RNF17: variants seen among roughly 807,000 people sequenced by gnomAD.
The protein encoded by RNF17 is spermatogenesis associated 23.
A neutral mutation model predicts 200.5 loss-of-function variants in RNF17; 31 were observed. The observed-to-expected ratio is 0.15, with a 90% CI of 0.12 to 0.21. The LOEUF (loss-of-function observed/expected upper bound fraction) is 0.21. Among genes scored for constraint, RNF17 ranks in the 10% least tolerant of loss-of-function variants. The pLI is 1.00. For missense variants in RNF17, 1,628 were observed against 1,905.1 expected (o/e 0.85, Z 2.71); for synonymous variants, 606 against 637.8 (o/e 0.95, Z 0.75).
At chr13:24,789,247 A>T in intron 7 of RNF17, 101 bp from the exon 8 acceptor site, 1 of 779,034 alleles carries the variant, frequency 1.3e-6, no homozygotes, top group Non-Finnish European at 2.2e-6. Flanking sequence ...TGCAATAATT[A>T]ATGAAATACC....
rs560389416 is a variant in RNF17, at chr13:24,778,629, G to C, written c.429+223G>C. On this transcript the variant is annotated intron_variant, in intron 4 of 35. Coordinates refer to ENST00000255324, the MANE Select transcript of RNF17 (RefSeq NM_031277.3). ...TGACTGACTCTGTTTCAAAGTTCTTGATATTTACCTGTGTGTAGCTTCTTC... is the reference window on the plus strand; with the variant it reads ...TGACTGACTCTGTTTCAAAGTTCTTCATATTTACCTGTGTGTAGCTTCTTC... 5.3e-5 allele frequency among the ~76,000 whole-genome samples: 8 copies of C among 152,264 alleles called. No homozygotes were observed. In the South Asian group the frequency reaches 1.7e-3, roughly 32 times the overall value.
intron 15 of RNF17, among the ~76,000 whole-genome samples, chr13:24,812,684 CTTT>C (rs756197370): frequency 0.014 from 1,232 of 86,756 alleles, 80 homozygotes; most frequent in South Asian, 0.035. Context: ...GCCCCACCCC[CTTT>C]TTTTTTTTTT....
chr13:24,791,877 T>C (rs1883900890), intron 9 of RNF17, among the ~76,000 whole-genome samples: 2 of 152,348 alleles, frequency 1.3e-5, no homozygotes, highest in South Asian at 4.1e-4. Flanking sequence ...TGTCAGAAGT[T>C]ACTTTTTTGG....
chr13:24,882,869 T>A (rs1347899574), downstream of RNF17: 2 of 210,284 alleles, frequency 9.5e-6, no homozygotes, highest in Non-Finnish European at 2.1e-5. Flanking sequence ...TTCCTGTACT[T>A]CTTGGTTTTT....
At chr13:24,883,401 A>T, downstream of RNF17, 3 of 1,425,352 alleles carry the variant, frequency 2.1e-6, no homozygotes, top group Non-Finnish European at 1.9e-6. Flanking sequence ...TGATTTCTTA[A>T]AAAAAAAATA....
At chr13:24,847,773 A>G (rs930278367) in intron 22 of RNF17, among the ~76,000 whole-genome samples, 1 of 152,054 alleles carries the variant, frequency 6.6e-6, no homozygotes, top group Non-Finnish European at 1.5e-5. Context: ...ACCTCTTCCT[A>G]TTGTCTGTGA....
At chr13:24,827,821 T>C (rs955713464) in intron 16 of RNF17, among the ~76,000 whole-genome samples, 8 of 151,370 alleles carry the variant, frequency 5.3e-5, no homozygotes, top group Non-Finnish European at 1.2e-4. Flanking sequence ...GTTTCCAAGA[T>C]GGTGCCTTGT....
Position 24,825,649 on chromosome 13 carries a change from A to C in RNF17, c.2122A>C (p.Lys708Gln). ...GGGCCTGGATATTTTATTTCTATTAAAGACAATCGAGGAATTCTATAAAAG... is the reference window on the plus strand; with the variant it reads ...GGGCCTGGATATTTTATTTCTATTACAGACAATCGAGGAATTCTATAAAAG... ...IEGLDILFLL[K>Q]TIEEFYKSED... The change falls in exon 16 of 36, where the codon AAG (lysine) becomes CAG (glutamine). Residue 708 changes from lysine to glutamine, a missense_variant. Physicochemically the swap from Lys to Gln is moderately conservative, Grantham distance 53 (BLOSUM62 1). Transcript: ENST00000255324. The C allele has an allele frequency of 6.2e-7, 1 of 1,602,534 alleles. No individual in the cohort carries two copies. The highest frequency in any genetic ancestry group is 8.5e-7 in the Non-Finnish European group (1 of 1,169,770).
At chr13:24,843,616 G>A (rs2138143320) in intron 19 of RNF17, 128 bp from the exon 20 acceptor site, 1 of 661,594 alleles carries the variant, frequency 1.5e-6, no homozygotes, top group East Asian at 2.8e-5. Flanking sequence ...ACCTGTTTTA[G>A]GTCCACAGTT....
chr13:24,838,305 A>G (rs1272274097), intron 18 of RNF17, among the ~76,000 whole-genome samples: 2 of 152,216 alleles, frequency 1.3e-5, no homozygotes, highest in African/African-American at 4.8e-5. Flanking sequence ...AAGGTAGAGA[A>G]AGAAGGAACC....
intron 15 of RNF17, among the ~76,000 whole-genome samples, chr13:24,821,961 A>G (rs573409153): frequency 4.6e-5 from 7 of 152,306 alleles, no homozygotes; most frequent in South Asian, 4.2e-4. Context: ...ATGCAGAAGA[A>G]AGAGAAAGGA....
chr13:24,813,079 T>C (rs1886932942), intron 15 of RNF17, among the ~76,000 whole-genome samples: 1 of 152,210 alleles, frequency 6.6e-6, no homozygotes, highest in Non-Finnish European at 1.5e-5. Flanking sequence ...CATGTCCTTA[T>C]TTATTGGCCA....
At chr13:24,870,991 T>G (rs17081301) in intron 32 of RNF17, among the ~76,000 whole-genome samples, 6,732 of 152,260 alleles carry the variant, frequency 0.044, 471 homozygotes, top group African/African-American at 0.15. Context: ...TAAGACAGCG[T>G]TGGAAAATTG....
At chr13:24,763,705 AATG>A (rs1344794285), upstream of RNF17, among the ~76,000 whole-genome samples, 5 of 152,106 alleles carry the variant, frequency 3.3e-5, no homozygotes, top group Non-Finnish European at 5.9e-5. Context: ...AGCAGTTAGT[AATG>A]ATGAACACTC....
intron 9 of RNF17, among the ~76,000 whole-genome samples, chr13:24,790,303 A>G (rs1883684123): frequency 6.6e-6 from 1 of 152,166 alleles, no homozygotes; most frequent in Non-Finnish European, 1.5e-5. Flanking sequence ...TGCTAGGTTC[A>G]GGGAATGGTG....
chr13:24,817,548 A>T (rs1887547907), intron 15 of RNF17, among the ~76,000 whole-genome samples: 1 of 151,956 alleles, frequency 6.6e-6, no homozygotes, highest in Non-Finnish European at 1.5e-5. Flanking sequence ...TCAAAACCCC[A>T]TCTGTACTAA....
Position 24,864,878 on chromosome 13 carries a change from A to G in RNF17, c.3981A>G (p.Leu1327=), listed in dbSNP as rs1893461403. The change falls in exon 29 of 36, where the codon TTA becomes TTG. Residue 1327 remains leucine, a synonymous_variant. Coordinates refer to ENST00000255324, the MANE Select transcript of RNF17 (RefSeq NM_031277.3). ...KRQVDIHIME[L]PKNPWEKLSI... ...CTTTATTGAACTTTAAATAGGAGTT[A>G]CCTAAAAATCCATGGGAGAAATTGT... 1.3e-6 allele frequency: 2 copies of G among 1,542,860 alleles called. No homozygotes were observed. The highest frequency in any genetic ancestry group is 2.8e-5 in the African/African-American group (2 of 72,232).
At chr13:24,828,401 T>C (rs960376472) in intron 16 of RNF17, among the ~76,000 whole-genome samples, 1 of 152,174 alleles carries the variant, frequency 6.6e-6, no homozygotes, top group African/African-American at 2.4e-5. Context: ...TTTATCTGCC[T>C]AATTTAAAAG....
chr13:24,778,202 C>A, intron 3 of RNF17, 93 bp from the exon 4 acceptor site: 1 of 783,858 alleles, frequency 1.3e-6, no homozygotes, highest in Non-Finnish European at 2.1e-6. Flanking sequence ...GTCGAGGCTG[C>A]CATGAGCCAT....
Sources: allele counts gnomAD v4.1 joint callset (sites outside exome capture counted in the v4.1 genomes callset), GRCh38; gene constraint gnomAD v4.1.1; transcripts MANE v1.5; gene names NCBI Gene and HGNC (gene_info 2026-07-23, HGNC 2026-07-21).